The following SLC6A15 variants were observed in gnomAD, a reference collection of about 807,000 sequenced individuals.
SLC6A15 encodes the protein sodium-dependent neutral amino acid transporter B(0)AT2.
Under a neutral mutation model 68.5 loss-of-function variants are expected in SLC6A15, and 33 were observed. The ratio of observed to expected loss-of-function variants is 0.48; its 90% CI spans 0.37 to 0.64. SLC6A15 has a LOEUF of 0.64. SLC6A15 is among the 30% of genes least tolerant of loss of function. The probability of loss-of-function intolerance (pLI) is 0.00; values close to 1 mark genes in which losing one functional copy is unlikely to be tolerated. For missense variants in SLC6A15, 747 were observed against 874.3 expected (o/e 0.85, Z 1.84); for synonymous variants, 347 against 301.0 (o/e 1.15, Z -1.58).
intron 1 of SLC6A15, among the ~76,000 whole-genome samples, chr12:84,898,213 C>T (rs145017877): frequency 5.9e-5 from 9 of 152,214 alleles, no homozygotes; most frequent in African/African-American, 2.2e-4. Flanking sequence ...TGGTGGCATG[C>T]ACCTTTAGTC....
chr12:84,869,780 T>C (rs1871211801), intron 9 of SLC6A15, among the ~76,000 whole-genome samples: 1 of 152,202 alleles, frequency 6.6e-6, no homozygotes, highest in Non-Finnish European at 1.5e-5. Flanking sequence ...ATGCTATCAG[T>C]ATTTTACATG....
chr12:84,909,411 C>G (rs1489301316), intron 1 of SLC6A15, among the ~76,000 whole-genome samples: 1 of 152,074 alleles, frequency 6.6e-6, no homozygotes, highest in Non-Finnish European at 1.5e-5. Flanking sequence ...ATTTTTAGGG[C>G]TTGTTGTTCA....
intron 1 of SLC6A15, among the ~76,000 whole-genome samples, chr12:84,901,059 T>C (rs34833743): frequency 4.7e-5 from 7 of 150,062 alleles, no homozygotes; most frequent in Non-Finnish European, 1.0e-4. Context: ...TATATATGTA[T>C]ACGTATATGT....
At chr12:84,888,135 G>A (rs1872206391) in intron 2 of SLC6A15, among the ~76,000 whole-genome samples, 1 of 150,952 alleles carries the variant, frequency 6.6e-6, no homozygotes, top group Non-Finnish European at 1.5e-5. Flanking sequence ...CTGCGCGCCT[G>A]TGGTCCCAGC....
At chr12:84,883,708 A>C (rs371143582) in intron 5 of SLC6A15, 151 bp downstream of exon 5, 57 of 1,567,716 alleles carry the variant, frequency 3.6e-5, no homozygotes, top group Non-Finnish European at 4.8e-5. Flanking sequence ...ATGTAAGCAC[A>C]CTTTTGAAGT....
chr12:84,881,977 C>A (rs1172309921), intron 5 of SLC6A15: 1 of 982,154 alleles, frequency 1.0e-6, no homozygotes, highest in Non-Finnish European at 1.2e-6. Context: ...GAGGCATTCT[C>A]ATTAAAATAA....
intron 1 of SLC6A15, among the ~76,000 whole-genome samples, chr12:84,905,923 T>C (rs1873126485): frequency 6.6e-6 from 1 of 152,200 alleles, no homozygotes; most frequent in African/African-American, 2.4e-5. Context: ...CCCCAGGCTC[T>C]CCTTAACTCC....
In SLC6A15 at chr12:84,890,173, T is replaced by C. The variant is rs75748104; in HGVS notation, c.289+1659A>G. On this transcript the variant is annotated intron_variant, in intron 2 of 11. Transcript: ENST00000266682. ...TTATAATATGTACACTACTGCTTTC[T>C]AGTATTTCCATTTAGTAGAAAAGAA... Among the ~76,000 whole-genome samples the C allele has an allele frequency of 2.9e-4, 44 of 152,312 alleles. 1 individual carries two copies. Among genetic ancestry groups the C allele is most frequent in the African/African-American group, 9.9e-4 (41 of 41,574 alleles).
chr12:84,878,144 A>G (rs1421684630), intron 5 of SLC6A15, among the ~76,000 whole-genome samples: 1 of 152,224 alleles, frequency 6.6e-6, no homozygotes, highest in African/African-American at 2.4e-5. Context: ...CACATGGCAC[A>G]CCTTAAGGAA....
chr12:84,868,429 T>C (rs1366241283), intron 9 of SLC6A15, among the ~76,000 whole-genome samples: 3 of 152,158 alleles, frequency 2.0e-5, no homozygotes, highest in Non-Finnish European at 4.4e-5. Context: ...AAGCTGGAAG[T>C]AGCAGAGTTT....
At chr12:84,882,018 A>G in intron 5 of SLC6A15, 1 of 981,348 alleles carries the variant, frequency 1.0e-6, no homozygotes, top group African/African-American at 1.7e-5. Context: ...ATTGTATTAC[A>G]TTTTCTATAT....
At chr12:84,885,647 A>T in intron 3 of SLC6A15, 86 bp from the exon 4 acceptor site, 4 of 1,352,906 alleles carry the variant, frequency 3.0e-6, no homozygotes, top group Non-Finnish European at 4.0e-6. Context: ...TTTATTTAAC[A>T]TTTTAAAATC....
At chr12:84,895,087 ACTT>A (rs1055386471) in intron 1 of SLC6A15, among the ~76,000 whole-genome samples, 26 of 151,844 alleles carry the variant, frequency 1.7e-4, no homozygotes, top group African/African-American at 6.0e-4. Flanking sequence ...ACCCTGTCCC[ACTT>A]CTTGGTCTGT....
At chr12:84,876,948 C>CT (rs759253959) in intron 5 of SLC6A15, among the ~76,000 whole-genome samples, 1 of 152,136 alleles carries the variant, frequency 6.6e-6, no homozygotes, top group Non-Finnish European at 1.5e-5. Context: ...TGAATTCCTA[C>CT]TTTTTTGTTG....
chr12:84,911,101 G>C (rs569799154), intron 1 of SLC6A15, among the ~76,000 whole-genome samples: 2 of 152,174 alleles, frequency 1.3e-5, no homozygotes, highest in East Asian at 3.9e-4. Context: ...TGATCTTGCA[G>C]AAATGAGGTT....
intron 10 of SLC6A15, 52 bp from the exon 11 acceptor site, chr12:84,863,653 T>C: frequency 7.7e-7 from 1 of 1,292,946 alleles, no homozygotes; most frequent in African/African-American, 1.5e-5. Flanking sequence ...TTGCTAAACC[T>C]TAAAAAATGT....
intron 1 of SLC6A15, among the ~76,000 whole-genome samples, chr12:84,903,326 C>G (rs1872975457): frequency 6.6e-6 from 1 of 151,970 alleles, no homozygotes; most frequent in Non-Finnish European, 1.5e-5. Context: ...CAACATGGCA[C>G]ATGTATACAT....
chr12:84,902,282 T>G (rs1023538304), intron 1 of SLC6A15, among the ~76,000 whole-genome samples: 3 of 151,972 alleles, frequency 2.0e-5, no homozygotes, highest in Non-Finnish European at 4.4e-5. Context: ...AATGTATATT[T>G]TTTTTCCCAA....
At chr12:84,894,510 C>A (rs559130782) in intron 1 of SLC6A15, among the ~76,000 whole-genome samples, 2 of 152,034 alleles carry the variant, frequency 1.3e-5, no homozygotes, top group Non-Finnish European at 2.9e-5. Flanking sequence ...TGTATCCAAG[C>A]TTAGAGATAC....
Sources: allele counts gnomAD v4.1 joint callset (sites outside exome capture counted in the v4.1 genomes callset), GRCh38; gene constraint gnomAD v4.1.1; transcripts MANE v1.5; gene names NCBI Gene and HGNC (gene_info 2026-07-23, HGNC 2026-07-21).